ARNT2: variants seen among roughly 807,000 people sequenced by gnomAD.
ARNT2 encodes ARNT protein 2.
ARNT2 carries 36 observed loss-of-function variants against 91.7 expected under a neutral mutation model. The observed-to-expected ratio is 0.39, with a 90% CI of 0.30 to 0.52. The LOEUF (loss-of-function observed/expected upper bound fraction) is 0.52. Ranked by LOEUF, ARNT2 falls within the 20% of genes least tolerant of loss-of-function variation. The probability of loss-of-function intolerance (pLI) is 0.72; values close to 1 mark genes in which losing one functional copy is unlikely to be tolerated. For synonymous variants in ARNT2, 365 were observed against 347.1 expected (o/e 1.05, Z -0.57); for missense variants, 775 against 939.3 (o/e 0.83, Z 2.29).
At chr15:80,562,785 T>A in intron 11 of ARNT2, 1 of 357,280 alleles carries the variant, frequency 2.8e-6, no homozygotes, top group Non-Finnish European at 5.2e-6. Context: ...GCTTGCAGAG[T>A]TTTCATGATC....
intron 17 of ARNT2, among the ~76,000 whole-genome samples, chr15:80,582,934 A>C (rs1372053562): frequency 6.6e-6 from 1 of 151,412 alleles, no homozygotes; most frequent in Non-Finnish European, 1.5e-5. Context: ...AGACCCCTTC[A>C]CCTCCTCCTG....
chr15:80,560,621 C>T (rs897739207), intron 11 of ARNT2, among the ~76,000 whole-genome samples: 6 of 152,284 alleles, frequency 3.9e-5, no homozygotes, highest in Non-Finnish European at 5.9e-5. Flanking sequence ...AAAGAAGGAC[C>T]GCCCTTCCTG....
intron 8 of ARNT2, among the ~76,000 whole-genome samples, chr15:80,529,297 C>T (rs1050478779): frequency 2.0e-5 from 3 of 152,118 alleles, no homozygotes; most frequent in Non-Finnish European, 2.9e-5. Context: ...TTTGGAGGGA[C>T]GGGTAGTTAC....
intron 1 of ARNT2, among the ~76,000 whole-genome samples, chr15:80,417,668 C>T (rs1248164058): frequency 1.3e-5 from 2 of 151,844 alleles, no homozygotes; most frequent in East Asian, 3.9e-4. Context: ...TTCTCCCCAA[C>T]CCCCTCCCTT....
At chr15:80,479,870 C>T (rs1018388008) in intron 5 of ARNT2, among the ~76,000 whole-genome samples, 9 of 152,142 alleles carry the variant, frequency 5.9e-5, no homozygotes, top group African/African-American at 1.9e-4. Flanking sequence ...ACCTACCTCA[C>T]CACCCAAGGC....
At chr15:80,445,971 A>C (rs1896296303) in intron 1 of ARNT2, among the ~76,000 whole-genome samples, 1 of 152,146 alleles carries the variant, frequency 6.6e-6, no homozygotes, top group Admixed American at 6.5e-5. Context: ...AGTCCTTACC[A>C]TAGCAAAATG....
At chr15:80,467,974 C>T (rs1390345640) in intron 3 of ARNT2, among the ~76,000 whole-genome samples, 1 of 152,158 alleles carries the variant, frequency 6.6e-6, no homozygotes, top group Non-Finnish European at 1.5e-5. Flanking sequence ...CAATCTCTAA[C>T]CAAATCCCCC....
intron 11 of ARNT2, among the ~76,000 whole-genome samples, chr15:80,562,304 A>G (rs995943478): frequency 6.6e-6 from 1 of 152,226 alleles, no homozygotes; most frequent in Non-Finnish European, 1.5e-5. Context: ...CAATAGAACA[A>G]AGGGGAGATC....
At chr15:80,538,568 T>C (rs1897858121) in intron 8 of ARNT2, among the ~76,000 whole-genome samples, 1 of 152,312 alleles carries the variant, frequency 6.6e-6, no homozygotes, top group Non-Finnish European at 1.5e-5. Context: ...CCCCACTCCA[T>C]ATCAAGGGGA....
chr15:80,470,916 A>T (rs1169321360), intron 4 of ARNT2, among the ~76,000 whole-genome samples: 1 of 152,248 alleles, frequency 6.6e-6, no homozygotes, highest in South Asian at 2.1e-4. Context: ...GGGAACACTT[A>T]TACACTGCTG....
At chr15:80,576,524 G>T (rs1484748646) in intron 14 of ARNT2, among the ~76,000 whole-genome samples, 1 of 152,162 alleles carries the variant, frequency 6.6e-6, no homozygotes, top group Admixed American at 6.5e-5. Context: ...TGATCCGCCT[G>T]CCTCAGCCTC....
At chr15:80,530,280 G>C (rs1196387973) in intron 8 of ARNT2, among the ~76,000 whole-genome samples, 3 of 152,164 alleles carry the variant, frequency 2.0e-5, no homozygotes. Context: ...CTGTACATGA[G>C]GACCAAGGCT....
chr15:80,463,575 CTT>C (rs11358638), intron 3 of ARNT2, among the ~76,000 whole-genome samples: 14,375 of 112,816 alleles, frequency 0.13, 988 homozygotes, highest in African/African-American at 0.24. Context: ...GGGTGATTTC[CTT>C]TTTTTTTTTT....
chr15:80,463,377 TAC>T (rs1896589522), intron 3 of ARNT2, among the ~76,000 whole-genome samples: 2 of 142,422 alleles, frequency 1.4e-5, no homozygotes, highest in Non-Finnish European at 3.2e-5. Flanking sequence ...TCCCTGCCTC[TAC>T]AGTCTCAGTT....
intron 4 of ARNT2, among the ~76,000 whole-genome samples, chr15:80,471,283 A>T (rs1369457555): frequency 6.6e-6 from 1 of 152,244 alleles, no homozygotes; most frequent in African/African-American, 2.4e-5. Context: ...AGGAACAGAA[A>T]ACCAAATACC....
At chr15:80,530,163 C>A (rs1425545065) in intron 8 of ARNT2, among the ~76,000 whole-genome samples, 1 of 152,154 alleles carries the variant, frequency 6.6e-6, no homozygotes, top group Non-Finnish European at 1.5e-5. Context: ...ATGGTTCCAT[C>A]AATGATCACA....
chr15:80,539,582 C>CCAAG (rs1334149365), intron 8 of ARNT2, among the ~76,000 whole-genome samples: 1 of 151,914 alleles, frequency 6.6e-6, no homozygotes, highest in African/African-American at 2.4e-5. Flanking sequence ...TTTGGAATTT[C>CCAAG]CAAGCCAATA....
intron 14 of ARNT2, among the ~76,000 whole-genome samples, chr15:80,575,558 C>T (rs1012352537): frequency 3.3e-5 from 5 of 152,202 alleles, no homozygotes; most frequent in South Asian, 2.1e-4. Flanking sequence ...CCTTCTCTCT[C>T]GTGTAAAATT....
rs1398464152 is a variant in ARNT2 at position 80,593,650 on chromosome 15, C to T, written c.2106C>T (p.Asn702=). The T allele has an allele frequency of 6.2e-7, 1 of 1,607,660 alleles. No individual in the cohort carries two copies. Among genetic ancestry groups the T allele is most frequent in the Non-Finnish European group, 8.5e-7 (1 of 1,176,418 alleles). The change falls in exon 19 of 19, where the codon AAC becomes AAT. Residue 702 remains asparagine, a synonymous_variant. Transcript: ENST00000303329. ...GDPTQGTGNY[N]IEDFADLGMF... is the part of the protein sequence containing the mutation. ...CAACCCAGGGGACTGGCAACTATAA[C>T]ATCGAAGACTTTGCCGACCTGGGCA...
Sources: gnomAD v4.1 joint callset for allele counts (sites outside exome capture counted in the v4.1 genomes callset) on GRCh38, gnomAD v4.1.1 for gene constraint, MANE v1.5 for transcripts, NCBI Gene and HGNC (gene_info 2026-07-23, HGNC 2026-07-21) for gene names.